APOBEC3B: variants seen among roughly 807,000 people sequenced by gnomAD.
The protein encoded by APOBEC3B is apolipoprotein B mRNA editing enzyme catalytic subunit 3B, also known as DNA dC->dU-editing enzyme APOBEC-3B.
Under a neutral mutation model 53.4 loss-of-function variants are expected in APOBEC3B, and 29 were observed. That is an observed-to-expected ratio of 0.54 (90% CI 0.40 to 0.74). The LOEUF (loss-of-function observed/expected upper bound fraction) is 0.74, where lower values mean the gene tolerates loss of function less well. Ranked by LOEUF, APOBEC3B falls within the 30% of genes least tolerant of loss-of-function variation. The probability of loss-of-function intolerance (pLI) is 0.00; values close to 1 mark genes in which losing one functional copy is unlikely to be tolerated. For missense variants in APOBEC3B, 347 were observed against 496.2 expected, an observed-to-expected ratio of 0.70 and a Z score of 2.86; for synonymous variants, 132 against 184.8, an observed-to-expected ratio of 0.71 and a Z score of 2.32.
Position 38,982,435 on chromosome 22 carries a change from C to A in APOBEC3B, c.-19C>A, listed in dbSNP as rs777144656. ...AAAAAAAGAGCGGGACAGGGACAAG[C>A]GTATCTAAGAGGCTGAACATGAATC... On this transcript the variant is annotated 5_prime_UTR_variant, in exon 1 of 8. Transcript: ENST00000333467. 1.4e-5 allele frequency: 23 copies of A among 1,593,400 alleles called. No individual in the cohort carries two copies. The highest frequency in any genetic ancestry group is 2.0e-5 in the Non-Finnish European group (23 of 1,172,464).
In APOBEC3B at chr22:38,988,748, C is replaced by CTTTCTTT. The variant is rs1317657637; in HGVS notation, c.570-709_570-708insTTTCTTT. ...TTCTTTCTTTCTTTCTTTCTTTCTT[C>CTTTCTTT]CTTTCTTCTCTCTCGTCTTTCTTCT... On this transcript the variant is annotated intron_variant, in intron 4 of 7. Transcript: ENST00000333467. Among the ~76,000 whole-genome samples, 27 of 65,884 alleles carry CTTTCTTT rather than the reference C, an allele frequency of 4.1e-4. 1 individual carries two copies. Among genetic ancestry groups the CTTTCTTT allele is most frequent in the South Asian group, 1.8e-3 (3 of 1,668 alleles). The allele number at this position is 65,884 out of a possible 152,430, so 43.2% of individuals were successfully genotyped here. A position where few individuals can be genotyped will look rare whatever the true frequency, so the allele number is the denominator to read the frequency against.
At position 38,985,677 on chromosome 22, in the gene APOBEC3B, G is replaced by A. The variant is rs1923703367; in HGVS notation, c.175-135G>A. The A allele has an allele frequency of 9.2e-6, 7 of 761,714 alleles. 1 individual carries two copies. In the South Asian group the frequency reaches 1.2e-4, roughly 13 times the overall value. The allele number at this position is 761,714 out of a possible 1,614,324, so 47.2% of individuals were successfully genotyped here. On this transcript the variant is annotated intron_variant, in intron 2 of 7. Coordinates refer to ENST00000333467, the MANE Select transcript of APOBEC3B (RefSeq NM_004900.5). ...AGCAGACAATCACTCAAACTAAACA[G>A]GGGGGATGGAGGAAAGGAGCTTCAA... is the stretch of plus-strand genomic sequence containing the variant.
Position 38,986,429 on chromosome 22 carries a change from G to C in APOBEC3B, c.569+17G>C. ...GATTCTCAGGTGAGGGTCTCCCTCT[G>C]GCCTCATCATCTCTCTCCTCTCACC... is the stretch of plus-strand genomic sequence containing the variant. On this transcript the variant is annotated intron_variant, in intron 4 of 7. Coordinates refer to ENST00000333467, the MANE Select transcript of APOBEC3B (RefSeq NM_004900.5). 6.3e-7 allele frequency: 1 copy of C among 1,589,750 alleles called. No individual in the cohort carries two copies.
At chr22:38,987,715 A>G (rs1923798347) in intron 4 of APOBEC3B, among the ~76,000 whole-genome samples, 1 of 148,560 alleles carries the variant, frequency 6.7e-6, no homozygotes, top group Non-Finnish European at 1.5e-5. Context: ...ACGACCCCAG[A>G]CACAGGCTCC....
At chr22:38,992,219 C>T (rs1403646752) in intron 7 of APOBEC3B, 70 bp downstream of exon 7, 6 of 1,557,042 alleles carry the variant, frequency 3.9e-6, no homozygotes, top group South Asian at 1.2e-5. Flanking sequence ...TGTGCCTTGC[C>T]TTCCCCTCTG....
At position 38,991,522 on chromosome 22, in the gene APOBEC3B, T is replaced by G; in HGVS notation, c.914T>G (p.Leu305Arg). ...AFLQENTHVRLRIFAARIYDY... is the reference protein window; with the variant it reads ...AFLQENTHVRRRIFAARIYDY... ...CTTCAGGAGAACACACACGTGAGAC[T>G]GCGCATCTTCGCTGCCCGCATCTAT... Residue 305 changes from leucine to arginine, a missense_variant, in exon 6 of 8, where the codon CTG (leucine) becomes CGG (arginine). Physicochemically the swap from Leu to Arg is moderately radical, Grantham distance 102 (BLOSUM62 -2). Around this residue, in one of 5 missense-constraint regions of APOBEC3B, gnomAD observed 78 missense variants for 103.9 expected, o/e 0.75. Transcript: ENST00000333467. The G allele has an allele frequency of 2.5e-6, 4 of 1,593,998 alleles. No individual in the cohort carries two copies. Among genetic ancestry groups the G allele is most frequent in the Non-Finnish European group, 2.6e-6 (3 of 1,172,742 alleles).
intron 4 of APOBEC3B, among the ~76,000 whole-genome samples, chr22:38,987,197 C>T (rs1247428242): frequency 1.3e-5 from 2 of 148,948 alleles, no homozygotes; most frequent in Non-Finnish European, 3.0e-5. Flanking sequence ...CCACTGCCCG[C>T]TCTGCCCATG....
At chr22:38,989,704 C>T in intron 5 of APOBEC3B, 94 bp downstream of exon 5, 1 of 1,234,950 alleles carries the variant, frequency 8.1e-7, no homozygotes, top group Non-Finnish European at 1.1e-6. Flanking sequence ...TGGTTTCCTG[C>T]AGTGTTTGTC....
chr22:38,989,790 C>G (rs958826085), intron 5 of APOBEC3B, among the ~76,000 whole-genome samples, 180 bp downstream of exon 5: 1 of 148,458 alleles, frequency 6.7e-6, no homozygotes, highest in Non-Finnish European at 1.5e-5. Context: ...CTCTCCATGG[C>G]CAGGTGGGGT....
intron 5 of APOBEC3B, among the ~76,000 whole-genome samples, chr22:38,989,966 G>A (rs772547386): frequency 6.7e-6 from 1 of 148,834 alleles, no homozygotes; most frequent in Non-Finnish European, 1.5e-5. Flanking sequence ...TTCATCCTGC[G>A]GAGAGACAGA....
intron 4 of APOBEC3B, 78 bp downstream of exon 4, chr22:38,986,490 T>G (rs879507559): frequency 1.4e-6 from 2 of 1,403,364 alleles, no homozygotes; most frequent in African/African-American, 1.9e-5. Context: ...GGCCTGGCCC[T>G]CCCGCCCTCC....
intron 4 of APOBEC3B, 113 bp from the exon 5 acceptor site, chr22:38,989,344 C>A: frequency 9.7e-7 from 1 of 1,028,940 alleles, no homozygotes; most frequent in Non-Finnish European, 1.4e-6. Flanking sequence ...CCTCCTCTGA[C>A]AGGTGCCTCA....
chr22:38,982,783 T>A (rs764205679), intron 1 of APOBEC3B, among the ~76,000 whole-genome samples: 2 of 149,014 alleles, frequency 1.3e-5, no homozygotes, highest in Non-Finnish European at 3.0e-5. Flanking sequence ...CTGCCACTCC[T>A]GAGCTCAGAA....
rs1256630403 is a variant in APOBEC3B at position 38,982,364 on chromosome 22, C to T, written c.-90C>T. ...GGGAGGTCACTTTAAGGAGGGCTGT[C>T]CAACTGCAAGGACGCTGTAAGCAGG... On this transcript the variant is annotated 5_prime_UTR_variant, in exon 1 of 8. Transcript: ENST00000333467. 1.4e-5 allele frequency: 22 copies of T among 1,547,758 alleles called. 2 individuals are homozygous for T. In the Admixed American group the frequency reaches 1.6e-4, roughly 11 times the overall value.
chr22:38,983,491 G>C (rs994889401), intron 1 of APOBEC3B, among the ~76,000 whole-genome samples: 2 of 148,514 alleles, frequency 1.3e-5, no homozygotes, highest in African/African-American at 4.9e-5. Context: ...GGCCTGGAAA[G>C]GGGCCCCTGC....
rs1569040954 is a variant in APOBEC3B, at chr22:38,992,691, T to G, written c.*246T>G. ...TTATGCTCAATATTCCCAGAATAGT[T>G]TTCAATGTATTAATGAAGTGATTAA... On this transcript the variant is annotated 3_prime_UTR_variant, in exon 8 of 8. Transcript: ENST00000333467. The G allele has an allele frequency of 9.1e-7, 1 of 1,094,050 alleles. No individual in the cohort carries two copies. The highest frequency in any genetic ancestry group is 1.6e-5 in the African/African-American group (1 of 62,570). The allele number at this position is 1,094,050 out of a possible 1,614,324, so 67.8% of individuals were successfully genotyped here. A position where few individuals can be genotyped will look rare whatever the true frequency, so the allele number is the denominator to read the frequency against.
Position 38,992,042 on chromosome 22 carries a change from T to C in APOBEC3B, c.1027T>C (p.Tyr343His), listed in dbSNP as rs1133004. 1.2e-4 allele frequency: 188 copies of C among 1,583,290 alleles called. 10 individuals are homozygous for C. The African/African-American group carries it at 1.3e-3, about 11-fold the overall frequency. ...VSIMTYDEFEYCWDTFVYRQG... is the reference protein window; with the variant it reads ...VSIMTYDEFEHCWDTFVYRQG... Reference sequence around the variant, plus strand: ...CCCCTGTCCCTTTTCAGAGTTTGAGTACTGCTGGGACACCTTTGTGTACCG... The same window carrying C: ...CCCCTGTCCCTTTTCAGAGTTTGAGCACTGCTGGGACACCTTTGTGTACCG... Residue 343 changes from tyrosine to histidine, a missense_variant, in exon 7 of 8, where the codon TAC (tyrosine) becomes CAC (histidine). Coordinates refer to ENST00000333467, the MANE Select transcript of APOBEC3B (RefSeq NM_004900.5).
intron 1 of APOBEC3B, 59 bp from the exon 2 acceptor site, chr22:38,984,016 G>A: frequency 1.3e-6 from 2 of 1,544,520 alleles, no homozygotes; most frequent in Non-Finnish European, 1.7e-6. Context: ...GTGGACATGA[G>A]CCCCGAGGAC....
rs755159659 is a variant in APOBEC3B, at chr22:38,984,140, A to G, written c.83A>G (p.Tyr28Cys). 16 of 1,591,310 alleles carry G rather than the reference A, an allele frequency of 1.0e-5. 1 individual carries two copies. In the African/African-American group the frequency reaches 1.6e-4, roughly 16 times the overall value. The change falls in exon 2 of 8, where the codon TAT becomes TGT. Residue 28 changes from tyrosine to cysteine, a missense_variant. By Grantham distance (194) the Tyr-to-Cys change is radical. Transcript: ENST00000333467. ...YDNFENEPIL[Y>C]GRSYTWLCYE... The stretch of plus-strand genomic sequence containing the variant: ...AACTTTGAAAACGAACCCATCCTCT[A>G]TGGTCGGAGCTACACTTGGCTGTGC...
Sources: allele counts gnomAD v4.1 joint callset (sites outside exome capture counted in the v4.1 genomes callset), GRCh38; gene constraint gnomAD v4.1.1; regional missense constraint gnomAD v4.1.1; transcripts MANE v1.5; gene names NCBI Gene and HGNC (gene_info 2026-07-23, HGNC 2026-07-21).